The following PDE10A variants were observed in gnomAD, a reference collection of about 807,000 sequenced individuals.
PDE10A encodes the protein phosphodiesterase 10A.
A neutral mutation model predicts 97.7 loss-of-function variants in PDE10A; 39 were observed. The observed-to-expected ratio is 0.40, with a 90% confidence interval of 0.31 to 0.52. The LOEUF is 0.52. PDE10A is among the 20% of genes least tolerant of loss of function. PDE10A has a pLI of 0.56. For synonymous variants in PDE10A, 371 were observed against 376.8 expected (o/e 0.98, Z 0.18); for missense variants, 731 against 1,047.8 (o/e 0.70, Z 4.17).
intron 13 of PDE10A, among the ~76,000 whole-genome samples, chr6:165,398,387 A>G (rs1028708003): frequency 1.3e-5 from 2 of 152,042 alleles, no homozygotes; most frequent in African/African-American, 4.8e-5. Context: ...AGGCTGAGGC[A>G]TGAGAATCAT....
chr6:165,625,719 T>TTGCC (rs372252403), intron 1 of PDE10A, among the ~76,000 whole-genome samples: 6 of 149,108 alleles, frequency 4.0e-5, no homozygotes, highest in South Asian at 2.1e-4. Flanking sequence ...AAATTCTCTC[T>TTGCC]TGCTGCCATG....
intron 5 of PDE10A, among the ~76,000 whole-genome samples, chr6:165,444,205 G>T (rs79226153): frequency 0.027 from 4,152 of 152,166 alleles, 81 homozygotes; most frequent in Non-Finnish European, 0.04. Context: ...CATTCAACAA[G>T]TCTCTTGGAA....
At chr6:165,424,856 C>T (rs1626903) in intron 10 of PDE10A, among the ~76,000 whole-genome samples, 14,325 of 152,000 alleles carry the variant, frequency 0.094, 877 homozygotes, top group Middle Eastern at 0.22. Context: ...TTTGATAATA[C>T]CCAACACCAA....
At chr6:165,883,573 A>T (rs1030300648) in intron 1 of PDE10A, among the ~76,000 whole-genome samples, 57 of 151,720 alleles carry the variant, frequency 3.8e-4, no homozygotes, top group African/African-American at 1.4e-3. Context: ...ATAAAAATAA[A>T]CTCTCCCCCA....
At chr6:165,464,411 C>T (rs975580875) in intron 3 of PDE10A, among the ~76,000 whole-genome samples, 3 of 152,158 alleles carry the variant, frequency 2.0e-5, no homozygotes, top group African/African-American at 4.8e-5. Context: ...CTGTCAATAT[C>T]CTTAACATAC....
chr6:165,846,570 T>G (rs1391404074), intron 1 of PDE10A, among the ~76,000 whole-genome samples: 1 of 152,190 alleles, frequency 6.6e-6, no homozygotes, highest in African/African-American at 2.4e-5. Flanking sequence ...CCCATCACAG[T>G]GTGCACCATC....
chr6:165,921,927 G>A (rs1324260147), intron 1 of PDE10A, among the ~76,000 whole-genome samples: 1 of 152,192 alleles, frequency 6.6e-6, no homozygotes, highest in African/African-American at 2.4e-5. Flanking sequence ...TGCCGCTGCT[G>A]GGATTAGACT....
chr6:165,387,708 T>C (rs1258251889), intron 17 of PDE10A, among the ~76,000 whole-genome samples: 1 of 152,238 alleles, frequency 6.6e-6, no homozygotes, highest in Non-Finnish European at 1.5e-5. Context: ...CCAGATTATA[T>C]TTTTAAACAT....
chr6:165,397,553 A>G (rs1786264361), intron 13 of PDE10A, among the ~76,000 whole-genome samples: 1 of 151,982 alleles, frequency 6.6e-6, no homozygotes, highest in South Asian at 2.1e-4. Context: ...CTACTAAAAA[A>G]TAGAAAAATC....
intron 19 of PDE10A, among the ~76,000 whole-genome samples, chr6:165,339,799 G>A (rs938259066): frequency 2.0e-5 from 3 of 152,198 alleles, no homozygotes; most frequent in African/African-American, 7.2e-5. Flanking sequence ...CGACTAAAAT[G>A]TGCTAGTAAA....
At chr6:165,615,650 A>G (rs550882837) in intron 1 of PDE10A, among the ~76,000 whole-genome samples, 15 of 152,248 alleles carry the variant, frequency 9.9e-5, no homozygotes, top group Non-Finnish European at 2.1e-4. Flanking sequence ...TCCTTTCTAT[A>G]AAGTAATAAT....
intron 1 of PDE10A, among the ~76,000 whole-genome samples, chr6:165,632,164 C>G (rs1399262713): frequency 7.2e-6 from 1 of 138,740 alleles, no homozygotes; most frequent in Non-Finnish European, 1.5e-5. Context: ...TGCGCCACTG[C>G]ACTCCAGCCT....
chr6:165,351,738 G>A (rs943469336), intron 18 of PDE10A, among the ~76,000 whole-genome samples: 1 of 152,200 alleles, frequency 6.6e-6, no homozygotes, highest in African/African-American at 2.4e-5. Context: ...AGCCAGCACT[G>A]CTATGAATTA....
chr6:165,467,336 T>G (rs1312134657), intron 3 of PDE10A, among the ~76,000 whole-genome samples: 1 of 152,186 alleles, frequency 6.6e-6, no homozygotes, highest in Admixed American at 6.5e-5. Flanking sequence ...GACGAAACAT[T>G]CTTACAACAC....
rs1256252246 is a variant in PDE10A at position 165,663,100 on chromosome 6, A to G, written c.-289T>C. 6.6e-6 allele frequency among the ~76,000 whole-genome samples: 1 copy of G among 151,406 alleles called. No individual in the cohort carries two copies. The highest frequency in any genetic ancestry group is 2.0e-4 in the East Asian group (1 of 5,068). ...CCCGGGCCGGGGCTAGGGACGGCGG[A>G]GACCCTCCCTGCAGGCGTGGCGTGG... On this transcript the variant is annotated 5_prime_UTR_variant, in exon 1 of 22. Transcript: ENST00000539869.
chr6:165,352,894 A>C (rs1008616674), intron 18 of PDE10A, among the ~76,000 whole-genome samples: 3 of 152,194 alleles, frequency 2.0e-5, no homozygotes. Context: ...CTGTCAAAAG[A>C]GTAAAAAGGC....
chr6:165,441,360 T>C (rs1790448545), intron 5 of PDE10A, among the ~76,000 whole-genome samples: 1 of 152,228 alleles, frequency 6.6e-6, no homozygotes, highest in South Asian at 2.1e-4. Context: ...ATGTGAGAAA[T>C]AATTTTGTTT....
At chr6:165,905,519 G>T (rs577371041) in intron 1 of PDE10A, among the ~76,000 whole-genome samples, 24 of 152,094 alleles carry the variant, frequency 1.6e-4, no homozygotes, top group African/African-American at 5.1e-4. Flanking sequence ...GGTTATACTT[G>T]TAAGGAGTCT....
At chr6:165,373,881 C>T (rs12177763) in intron 18 of PDE10A, among the ~76,000 whole-genome samples, 70,304 of 150,702 alleles carry the variant, frequency 0.47, 17,277 homozygotes, top group African/African-American at 0.63. Context: ...CACATATACA[C>T]CATGGAATAC....
Sources: allele counts gnomAD v4.1 joint callset (sites outside exome capture counted in the v4.1 genomes callset), GRCh38; gene constraint gnomAD v4.1.1; transcripts MANE v1.5; gene names NCBI Gene and HGNC (gene_info 2026-07-23, HGNC 2026-07-21).